The following ZAR1 variants were observed in gnomAD, a reference collection of about 807,000 sequenced individuals.
The protein encoded by ZAR1 is zygote arrest 1.
Under a neutral mutation model 38.3 loss-of-function variants are expected in ZAR1, and 37 were observed. The ratio of observed to expected loss-of-function variants is 0.97; its 90% CI spans 0.74 to 1.27. The LOEUF (loss-of-function observed/expected upper bound fraction) is 1.27, where lower values mean the gene tolerates loss of function less well. ZAR1 is among the 50% of genes most tolerant of loss of function. ZAR1 has a pLI of 0.00. For missense variants in ZAR1, 651 were observed against 632.4 expected, an observed-to-expected ratio of 1.03 and a Z score of -0.32; for synonymous variants, 336 against 292.0, an observed-to-expected ratio of 1.15 and a Z score of -1.53.
chr4:48,490,604 G>A lies in ZAR1; in HGVS notation c.313G>A (p.Asp105Asn). The A allele has an allele frequency of 1.5e-6, 2 of 1,377,136 alleles. No individual in the cohort carries two copies. The highest frequency in any genetic ancestry group is 1.9e-6 in the Non-Finnish European group (2 of 1,076,182). The allele number at this position is 1,377,136 out of a possible 1,614,324, so 85.3% of individuals were successfully genotyped here. A position where few individuals can be genotyped will look rare whatever the true frequency, so the allele number is the denominator to read the frequency against. The stretch of plus-strand genomic sequence containing the variant: ...GCGCGCCCGCAGGGCCGGCAGCTGC[G>A]ACGTGGCGGTGCAGGTGAGCCCGCG... ...GPRARRAGSC[D>N]VAVQVSPRID... Residue 105 changes from aspartate to asparagine, a missense_variant, in exon 1 of 4, where the codon GAC (aspartate) becomes AAC (asparagine). This residue lies in a region of ZAR1 where 522 missense variants were observed against 459.9 expected (regional missense o/e 1.14). Coordinates refer to ENST00000327939, the MANE Select transcript of ZAR1 (RefSeq NM_175619.3).
chr4:48,493,940 A>G (rs1403227793), intron 3 of ZAR1, among the ~76,000 whole-genome samples, 161 bp from the exon 4 acceptor site: 2 of 152,236 alleles, frequency 1.3e-5, no homozygotes, highest in Non-Finnish European at 2.9e-5. Flanking sequence ...TAGCCCTGTC[A>G]TTGCTACGTA....
chr4:48,493,077 A>G (rs1174299984), intron 3 of ZAR1, 65 bp downstream of exon 3: 1 of 1,502,050 alleles, frequency 6.7e-7, no homozygotes, highest in Admixed American at 1.7e-5. Flanking sequence ...GTATAGTTTG[A>G]GTATACTTCC....
At position 48,490,672 on chromosome 4, in the gene ZAR1, G is replaced by A; in HGVS notation, c.381G>A (p.Leu127=). The A allele has an allele frequency of 7.6e-7, 1 of 1,317,734 alleles. No individual in the cohort carries two copies. Among genetic ancestry groups the A allele is most frequent in the South Asian group, 2.1e-5 (1 of 47,858 alleles). The allele number at this position is 1,317,734 out of a possible 1,614,324, so 81.6% of individuals were successfully genotyped here. ...AVQCSLGRRT[L]QRRARDPESP... The stretch of plus-strand genomic sequence containing the variant: ...AGTGCTCGCTGGGGAGGCGCACGCT[G>A]CAGCGCCGGGCCCGCGACCCCGAGT... The change falls in exon 1 of 4, where the codon CTG becomes CTA. Residue 127 remains leucine (L), a synonymous_variant. Coordinates refer to ENST00000327939, the MANE Select transcript of ZAR1 (RefSeq NM_175619.3).
intron 1 of ZAR1, among the ~76,000 whole-genome samples, chr4:48,492,324 CACTGTTTG>C (rs1718465636): frequency 6.6e-6 from 1 of 152,168 alleles, no homozygotes; most frequent in Non-Finnish European, 1.5e-5. Context: ...TTCCTGGCAC[CACTGTTTG>C]GGAGTTAACT....
rs778834048 is a variant in ZAR1 at position 48,494,270 on chromosome 4, C to T, written c.*26C>T. 3.7e-5 allele frequency: 60 copies of T among 1,612,308 alleles called. No individual in the cohort carries two copies. In the East Asian group the frequency reaches 6.0e-4, roughly 16 times the overall value. On this transcript the variant is annotated 3_prime_UTR_variant, in exon 4 of 4. Transcript: ENST00000327939. Reference sequence around the variant, plus strand: ...GTGAAAGTCAGTGTTGCTGTGCATGCGCTGATGGAGTAGACGAGTGAGCTT... The same window carrying T: ...GTGAAAGTCAGTGTTGCTGTGCATGTGCTGATGGAGTAGACGAGTGAGCTT...
intron 3 of ZAR1, among the ~76,000 whole-genome samples, chr4:48,493,504 G>A (rs1718501740): frequency 6.6e-6 from 1 of 152,216 alleles, no homozygotes; most frequent in South Asian, 2.1e-4. Context: ...CAAGCAATAT[G>A]TTAACTAAGC....
downstream of ZAR1, chr4:48,497,412 A>T (rs1718687234): frequency 6.6e-6 from 1 of 152,568 alleles, no homozygotes; most frequent in African/African-American, 2.4e-5. Flanking sequence ...GTTACATATA[A>T]ATAAACACAA....
downstream of ZAR1, among the ~76,000 whole-genome samples, chr4:48,495,272 G>C (rs1463175242): frequency 6.6e-6 from 1 of 152,218 alleles, no homozygotes; most frequent in African/African-American, 2.4e-5. Flanking sequence ...TTTAATTACA[G>C]AAACCATATA....
rs1231792159 is a variant in ZAR1 at position 48,494,340 on chromosome 4, A to C, written c.*96A>C. 2.7e-6 allele frequency: 4 copies of C among 1,486,618 alleles called. No individual in the cohort carries two copies. The highest frequency in any genetic ancestry group is 3.7e-6 in the Non-Finnish European group (4 of 1,082,232). The allele number at this position is 1,486,618 out of a possible 1,614,324, so 92.1% of individuals were successfully genotyped here. ...CTCTCCCTTCTCAAAATACTTCATGAAAGGCAGTGTATTCTGAAAAAGCCT... is the reference window on the plus strand; with the variant it reads ...CTCTCCCTTCTCAAAATACTTCATGCAAGGCAGTGTATTCTGAAAAAGCCT... On this transcript the variant is annotated 3_prime_UTR_variant, in exon 4 of 4. Coordinates refer to ENST00000327939, the MANE Select transcript of ZAR1 (RefSeq NM_175619.3).
At chr4:48,496,462 A>AT (rs1718617570), downstream of ZAR1, among the ~76,000 whole-genome samples, 1 of 152,178 alleles carries the variant, frequency 6.6e-6, no homozygotes, top group Non-Finnish European at 1.5e-5. Context: ...GGCTATTAAT[A>AT]TGGTTACATT....
rs1330431198 is a variant in ZAR1 at position 48,490,267 on chromosome 4, G to C, written c.-25G>C. On this transcript the variant is annotated 5_prime_UTR_variant, in exon 1 of 4. Transcript: ENST00000327939. ...CGGGCAAGTCGCCTATTTAGGGTGC[G>C]GCGGCGGGCGGGAGCAGTGCGCCCA... 1.3e-6 allele frequency: 2 copies of C among 1,485,576 alleles called. No homozygotes were observed. The highest frequency in any genetic ancestry group is 2.9e-5 in the African/African-American group (2 of 68,320). The allele number at this position is 1,485,576 out of a possible 1,614,324, so 92.0% of individuals were successfully genotyped here.
rs751380832 is a variant in ZAR1, at chr4:48,490,521, G to C, written c.230G>C (p.Ser77Thr). 1 of 1,473,946 alleles carries C rather than the reference G, an allele frequency of 6.8e-7. No individual in the cohort carries two copies. The highest frequency in any genetic ancestry group is 1.3e-5 in the South Asian group (1 of 76,416). 91.3% of individuals were successfully genotyped at this position (1,473,946 alleles called of 1,614,324 possible). ...GRLTAAEYFD[S>T]YQRERLMALL... ...CTGACGGCCGCCGAGTACTTCGACA[G>C]CTACCAGCGGGAGCGGCTCATGGCT... Residue 77 changes from serine (S) to threonine (T), a missense_variant, in exon 1 of 4, where the codon AGC becomes ACC. Physicochemically the swap from Ser to Thr is moderately conservative, Grantham distance 58 (BLOSUM62 1). Around this residue, in one of 2 missense-constraint regions of ZAR1, gnomAD observed 522 missense variants for 459.9 expected, o/e 1.14. Transcript: ENST00000327939.
At chr4:48,495,248 AGTT>A (rs376300748), downstream of ZAR1, among the ~76,000 whole-genome samples, 133 of 152,318 alleles carry the variant, frequency 8.7e-4, 3 homozygotes, top group East Asian at 0.018. Context: ...ATGAAATTAA[AGTT>A]GTAGTATTGG....
rs914079772 is a variant in ZAR1, at chr4:48,490,870, C to T, written c.579C>T (p.Phe193=). The change falls in exon 1 of 4, where the codon TTC becomes TTT. Residue 193 remains phenylalanine, a synonymous_variant. Transcript: ENST00000327939. ...SPLALRRLTA[F]LEGPGPAAGE... ...TGGCCTTGCGCCGTCTCACCGCCTT[C>T]CTGGAGGGGCCCGGGCCCGCGGCGG... 2.8e-6 allele frequency: 4 copies of T among 1,444,110 alleles called. No homozygotes were observed. The African/African-American group carries it at 5.9e-5, about 21-fold the overall frequency. The allele number at this position is 1,444,110 out of a possible 1,614,324, so 89.5% of individuals were successfully genotyped here.
At chr4:48,495,779 GA>G (rs1718576970), downstream of ZAR1, among the ~76,000 whole-genome samples, 1 of 152,188 alleles carries the variant, frequency 6.6e-6, no homozygotes, top group South Asian at 2.1e-4. Flanking sequence ...TGAGTCGAAT[GA>G]GGCAAAAATG....
At chr4:48,496,099 A>G (rs1718593156), downstream of ZAR1, among the ~76,000 whole-genome samples, 1 of 152,124 alleles carries the variant, frequency 6.6e-6, no homozygotes, top group African/African-American at 2.4e-5. Context: ...GGCTGCACTA[A>G]AAGGTTTTAA....
Position 48,490,841 on chromosome 4 carries a change from C to A in ZAR1, c.550C>A (p.Pro184Thr). 1 of 1,496,142 alleles carries A rather than the reference C, an allele frequency of 6.7e-7. No individual in the cohort carries two copies. Among genetic ancestry groups the A allele is most frequent in the Non-Finnish European group, 8.8e-7 (1 of 1,130,138 alleles). 92.7% of individuals were successfully genotyped at this position (1,496,142 alleles called of 1,614,324 possible). A position where few individuals can be genotyped will look rare whatever the true frequency, so the allele number is the denominator to read the frequency against. Residue 184 changes from proline to threonine, a missense_variant, in exon 1 of 4, where the codon CCC becomes ACC. Pro to Thr is a conservative substitution (Grantham distance 38). Coordinates refer to ENST00000327939, the MANE Select transcript of ZAR1 (RefSeq NM_175619.3). ...CCCGCGCACCGTCGCCGTGTACTCGCCCCTGGCCTTGCGCCGTCTCACCGC... is the reference window on the plus strand; with the variant it reads ...CCCGCGCACCGTCGCCGTGTACTCGACCCTGGCCTTGCGCCGTCTCACCGC... Reference protein sequence around the residue: ...RFPRTVAVYSPLALRRLTAFL... With the variant: ...RFPRTVAVYSTLALRRLTAFL...
Position 48,490,567 on chromosome 4 carries a change from G to A in ZAR1, c.276G>A (p.Pro92=). The stretch of plus-strand genomic sequence containing the variant: ...TGGCTCTCCTGGCGCAGGTGGGGCC[G>A]GGTCTCGGGCCGCGCGCCCGCAGGG... ...RLMALLAQVG[P]GLGPRARRAG... is the part of the protein sequence containing the mutation. The change falls in exon 1 of 4, where the codon CCG becomes CCA. Residue 92 remains proline (P), a synonymous_variant. Transcript: ENST00000327939. 1 of 1,421,746 alleles carries A rather than the reference G, an allele frequency of 7.0e-7. No individual in the cohort carries two copies. Among genetic ancestry groups the A allele is most frequent in the South Asian group, 1.5e-5 (1 of 67,754 alleles). 88.1% of individuals were successfully genotyped at this position (1,421,746 alleles called of 1,614,324 possible).
At chr4:48,494,073 CA>C in intron 3 of ZAR1, 27 bp from the exon 4 acceptor site, 1 of 1,605,164 alleles carries the variant, frequency 6.2e-7, no homozygotes, top group Non-Finnish European at 8.5e-7. Context: ...TTATCTTCTG[CA>C]TGCCCTTCTG....
Sources: gnomAD v4.1 joint callset for allele counts (sites outside exome capture counted in the v4.1 genomes callset) on GRCh38, gnomAD v4.1.1 for gene constraint, gnomAD v4.1.1 regional missense constraint, MANE v1.5 for transcripts, NCBI Gene and HGNC (gene_info 2026-07-23, HGNC 2026-07-21) for gene names.